Variants in RIPK2 observed in about 807,000 individuals in gnomAD.
The protein encoded by RIPK2 is receptor-interacting serine/threonine-protein kinase 2.
Under a neutral mutation model 60.9 loss-of-function variants are expected in RIPK2, and 38 were observed. That is an observed-to-expected ratio of 0.62 (90% CI 0.48 to 0.82). The LOEUF (loss-of-function observed/expected upper bound fraction) is 0.82. Ranked by LOEUF, RIPK2 falls within the 40% of genes least tolerant of loss-of-function variation. The pLI is 0.00. For missense variants in RIPK2, 518 were observed against 647.0 expected, an observed-to-expected ratio of 0.80 and a Z score of 2.16; for synonymous variants, 225 against 223.4, an observed-to-expected ratio of 1.01 and a Z score of -0.06.
chr8:89,789,805 C>T (rs1174794143), intron 10 of RIPK2, among the ~76,000 whole-genome samples: 1 of 152,024 alleles, frequency 6.6e-6, no homozygotes, highest in African/African-American at 2.4e-5. Context: ...CTGAACAAAT[C>T]CCAGAAGATG....
intron 6 of RIPK2, among the ~76,000 whole-genome samples, chr8:89,774,231 A>C (rs1269187243): frequency 2.6e-5 from 4 of 152,214 alleles, no homozygotes; most frequent in African/African-American, 7.2e-5. Context: ...CCTATTTTTA[A>C]ATGAGTAAAA....
intron 3 of RIPK2, among the ~76,000 whole-genome samples, chr8:89,768,101 C>G (rs1487853215): frequency 1.3e-5 from 2 of 151,530 alleles, no homozygotes; most frequent in Non-Finnish European, 3.0e-5. Flanking sequence ...ATCAGCTTTC[C>G]AGGGGTAGTC....
In RIPK2 at chr8:89,779,036, T is replaced by C. The variant is rs182640912; in HGVS notation, c.854-1039T>C. Among the ~76,000 whole-genome samples, 407 of 152,282 alleles carry C rather than the reference T, an allele frequency of 2.7e-3. 2 individuals are homozygous for C. Among genetic ancestry groups the C allele is most frequent in the Admixed American group, 4.6e-3 (70 of 15,288 alleles). ...ATCTCATTGCAGTTTTAAAGTGCCT[T>C]TTCTTATGATGTTAAGCATCTTTTC... On this transcript the variant is annotated intron_variant, in intron 6 of 10. Coordinates refer to ENST00000220751, the MANE Select transcript of RIPK2 (RefSeq NM_003821.6).
chr8:89,789,209 TG>T, intron 9 of RIPK2, 111 bp from the exon 10 acceptor site: 2 of 866,892 alleles, frequency 2.3e-6, no homozygotes, highest in Non-Finnish European at 1.8e-6. Flanking sequence ...TTAATATTAG[TG>T]GAAACTAAAG....
At position 89,765,435 on chromosome 8, in the gene RIPK2, C is replaced by T; in HGVS notation, c.422C>T (p.Pro141Leu). ...AATTACCTGCACAATATGACTCCTC[C>T]TTTACTTCATCATGACTTGAAGACT... ...GVNYLHNMTPPLLHHDLKTQN... is the reference protein window; with the variant it reads ...GVNYLHNMTPLLLHHDLKTQN... The change falls in exon 3 of 11, where the codon CCT becomes CTT. Residue 141 changes from proline to leucine, a missense_variant. Physicochemically the swap from Pro to Leu is moderately conservative, Grantham distance 98. Coordinates refer to ENST00000220751, the MANE Select transcript of RIPK2 (RefSeq NM_003821.6). 1.9e-6 allele frequency: 3 copies of T among 1,600,214 alleles called. No individual in the cohort carries two copies. Among genetic ancestry groups the T allele is most frequent in the Non-Finnish European group, 2.6e-6 (3 of 1,168,110 alleles).
chr8:89,788,547 C>T (rs1809623787), intron 9 of RIPK2, among the ~76,000 whole-genome samples: 1 of 151,556 alleles, frequency 6.6e-6, no homozygotes, highest in Non-Finnish European at 1.5e-5. Context: ...GAGGCTGAGA[C>T]AGGTGGATCA....
At chr8:89,764,367 A>G (rs991247752) in intron 2 of RIPK2, among the ~76,000 whole-genome samples, 2 of 152,198 alleles carry the variant, frequency 1.3e-5, no homozygotes, top group East Asian at 3.8e-4. Context: ...TATCATAAAC[A>G]GTCTAAAATA....
Position 89,758,210 on chromosome 8 carries a change from C to T in RIPK2, c.150C>T (p.His50=), listed in dbSNP as rs753343227. The change falls in exon 1 of 11, where the codon CAC becomes CAT. Residue 50 remains histidine (H), a synonymous_variant. Transcript: ENST00000220751. Reference sequence around the variant, plus strand: ...TCCAGGTGGCCGTGAAGCACCTGCACATCCACACTCCGCTGCTCGACAGGT... The same window carrying T: ...TCCAGGTGGCCGTGAAGCACCTGCATATCCACACTCCGCTGCTCGACAGGT... The part of the protein sequence containing the change: ...WRVQVAVKHL[H]IHTPLLDSER... 3.7e-6 allele frequency: 6 copies of T among 1,609,214 alleles called. No individual in the cohort carries two copies. In the South Asian group the frequency reaches 5.5e-5, roughly 15 times the overall value.
At chr8:89,777,110 G>A (rs1809410748) in intron 6 of RIPK2, among the ~76,000 whole-genome samples, 1 of 152,190 alleles carries the variant, frequency 6.6e-6, no homozygotes, top group African/African-American at 2.4e-5. Flanking sequence ...TGCACCAGAA[G>A]GGAAAAGGTA....
At chr8:89,768,449 A>C (rs751714135) in intron 3 of RIPK2, among the ~76,000 whole-genome samples, 1 of 151,766 alleles carries the variant, frequency 6.6e-6, no homozygotes, top group Non-Finnish European at 1.5e-5. Flanking sequence ...GAGCTGTATC[A>C]CATGGCCATA....
At chr8:89,784,369 A>G (rs1809551759) in intron 8 of RIPK2, among the ~76,000 whole-genome samples, 1 of 152,140 alleles carries the variant, frequency 6.6e-6, no homozygotes, top group African/African-American at 2.4e-5. Flanking sequence ...TTTGTTTGAC[A>G]TTGAGTTCTG....
At chr8:89,769,734 G>C (rs200188764) in intron 3 of RIPK2, 38 bp from the exon 4 acceptor site, 2 of 1,452,308 alleles carry the variant, frequency 1.4e-6, no homozygotes, top group Non-Finnish European at 1.8e-6. Flanking sequence ...ACTTTTTAAA[G>C]AGGAAATTTC....
intron 4 of RIPK2, among the ~76,000 whole-genome samples, chr8:89,770,486 T>C (rs1809294781): frequency 6.6e-6 from 1 of 151,890 alleles, no homozygotes; most frequent in Admixed American, 6.6e-5. Context: ...ACATTGTTAT[T>C]GACACTGGTT....
chr8:89,778,320 G>A (rs1378143856), intron 6 of RIPK2, among the ~76,000 whole-genome samples: 1 of 152,062 alleles, frequency 6.6e-6, no homozygotes, highest in African/African-American at 2.4e-5. Flanking sequence ...GCCTATCAAA[G>A]TATAATTTAC....
In RIPK2 at chr8:89,786,674, G is replaced by A. The variant is rs765502397; in HGVS notation, c.1111G>A (p.Asp371Asn). ...GTCCCTGCCAGCTCCTCAAGACAAT[G>A]ATTTTTTATCTAGTATGTAGATTTT... The part of the protein sequence containing the change: ...SRSLPAPQDN[D>N]FLSRKAQDCY... Residue 371 changes from aspartate (D) to asparagine (N), a missense_variant, in exon 9 of 11, where the codon GAT (aspartate) becomes AAT (asparagine). This residue lies in a region of RIPK2 where 448 missense variants were observed against 534.7 expected (regional missense o/e 0.84). Transcript: ENST00000220751. 40 of 1,554,844 alleles carry A rather than the reference G, an allele frequency of 2.6e-5. No homozygotes were observed. The highest frequency in any genetic ancestry group is 4.4e-6 in the Non-Finnish European group (5 of 1,137,232).
intron 6 of RIPK2, among the ~76,000 whole-genome samples, chr8:89,775,837 G>T (rs564417952): frequency 1.3e-5 from 2 of 152,186 alleles, no homozygotes; most frequent in African/African-American, 4.8e-5. Flanking sequence ...GGATGTAAGA[G>T]GCTGAAAAAG....
At chr8:89,759,161 C>G (rs752688046) in intron 1 of RIPK2, among the ~76,000 whole-genome samples, 5 of 152,158 alleles carry the variant, frequency 3.3e-5, no homozygotes, top group Non-Finnish European at 7.3e-5. Context: ...TGTTAAATGG[C>G]CAGAAATTGT....
chr8:89,786,703 A>T lies in RIPK2; in HGVS notation c.1123+17A>T. On this transcript the variant is annotated intron_variant, in intron 9 of 10. Transcript: ENST00000220751. ...TTTTATCTAGTATGTAGATTTTCCA[A>T]TCATTATTTACTTGCAAGTTTTCCA... 2.2e-6 allele frequency: 3 copies of T among 1,371,810 alleles called. No homozygotes were observed. Among genetic ancestry groups the T allele is most frequent in the Non-Finnish European group, 3.1e-6 (3 of 980,836 alleles). 85.0% of individuals were successfully genotyped at this position (1,371,810 alleles called of 1,614,324 possible).
At position 89,789,418 on chromosome 8, in the gene RIPK2, T is replaced by C. The variant is rs1809639111; in HGVS notation, c.1221T>C (p.Cys407=). ...TISGSQRAAF[C]DHKTTPCSSA... ...CTGGATCTCAAAGGGCTGCATTCTG[T>C]GATCACAAGACCACTCCATGCTCTT... Residue 407 remains cysteine (C), a synonymous_variant, in exon 10 of 11, where the codon TGT becomes TGC. Transcript: ENST00000220751. 1 of 1,614,008 alleles carries C rather than the reference T, an allele frequency of 6.2e-7. No individual in the cohort carries two copies. Among genetic ancestry groups the C allele is most frequent in the Non-Finnish European group, 8.5e-7 (1 of 1,179,982 alleles).
Sources: allele counts gnomAD v4.1 joint callset (sites outside exome capture counted in the v4.1 genomes callset), GRCh38; gene constraint gnomAD v4.1.1; regional missense constraint gnomAD v4.1.1; transcripts MANE v1.5; gene names NCBI Gene and HGNC (gene_info 2026-07-23, HGNC 2026-07-21).